Variants in THSD7A observed in about 807,000 individuals in gnomAD.
THSD7A encodes the protein thrombospondin type-1 domain-containing protein 7A.
THSD7A carries 96 observed loss-of-function variants against 231.3 expected under a neutral mutation model. The observed-to-expected ratio is 0.41, with a 90% CI of 0.35 to 0.49. THSD7A has a LOEUF of 0.49. THSD7A is among the 20% of genes least tolerant of loss of function. THSD7A has a pLI of 0.05. For synonymous variants in THSD7A, 940 were observed against 743.3 expected (o/e 1.26, Z -4.30); for missense variants, 2,290 against 2,070.2 (o/e 1.11, Z -2.06).
intron 6 of THSD7A, among the ~76,000 whole-genome samples, chr7:11,523,480 G>A (rs76111884): frequency 0.046 from 6,933 of 152,104 alleles, 191 homozygotes; most frequent in South Asian, 0.074. Context: ...GAGAGATTAT[G>A]TGTGATTAAA....
intron 1 of THSD7A, among the ~76,000 whole-genome samples, chr7:11,813,306 C>T (rs1784584930): frequency 1.3e-5 from 2 of 152,140 alleles, no homozygotes; most frequent in Admixed American, 1.3e-4. Flanking sequence ...TCCCCTAAAA[C>T]ACTTTCCTAT....
intron 13 of THSD7A, among the ~76,000 whole-genome samples, chr7:11,429,855 C>A (rs530400205): frequency 6.6e-6 from 1 of 152,172 alleles, no homozygotes; most frequent in Non-Finnish European, 1.5e-5. Flanking sequence ...GAGGTCTAAT[C>A]CAGTACTCAT....
rs1782241730 is a variant in THSD7A at position 11,375,709 on chromosome 7, CA to C, written c.*84del. 6 of 1,091,698 alleles carry C rather than the reference CA, an allele frequency of 5.5e-6. No homozygotes were observed. Among genetic ancestry groups the C allele is most frequent in the Non-Finnish European group, 8.2e-6 (6 of 730,992 alleles). 67.6% of individuals were successfully genotyped at this position (1,091,698 alleles called of 1,614,324 possible). A position where few individuals can be genotyped will look rare whatever the true frequency, so the allele number is the denominator to read the frequency against. On this transcript the variant is annotated 3_prime_UTR_variant, in exon 28 of 28. Transcript: ENST00000423059. ...AAAAATTAAAATATATTTTAATCCA[CA>C]CAGTTTGGATACATTTGTTGTGGCC... is the stretch of plus-strand genomic sequence containing the variant.
rs551367078 is a variant in THSD7A at position 11,760,832 on chromosome 7, T to C, written c.190+70925A>G. Among the ~76,000 whole-genome samples the C allele has an allele frequency of 1.7e-4, 26 of 151,850 alleles. No individual in the cohort carries two copies. The South Asian group carries it at 5.4e-3, about 31-fold the overall frequency. On this transcript the variant is annotated intron_variant, in intron 1 of 27. Transcript: ENST00000423059. ...TATGATAGAAAATAAAAATAAAATC[T>C]TAAAATTTGCTTTTAAGAACATTTT...
At chr7:11,461,940 A>G in intron 10 of THSD7A, 71 bp downstream of exon 10, 2 of 1,541,544 alleles carry the variant, frequency 1.3e-6, no homozygotes, top group African/African-American at 2.7e-5. Flanking sequence ...TCCTTTCCTT[A>G]TCCTAGGAAA....
chr7:11,518,313 T>C (rs140228488), intron 6 of THSD7A, among the ~76,000 whole-genome samples: 1 of 152,212 alleles, frequency 6.6e-6, no homozygotes, highest in Non-Finnish European at 1.5e-5. Context: ...AAGCTTTTGA[T>C]TGGGACTAGG....
chr7:11,815,553 TA>T (rs1196024915), intron 1 of THSD7A, among the ~76,000 whole-genome samples: 1 of 152,170 alleles, frequency 6.6e-6, no homozygotes, highest in African/African-American at 2.4e-5. Flanking sequence ...TCATTCTTAT[TA>T]ATAAACCTGA....
chr7:11,714,317 T>C (rs904196295), intron 1 of THSD7A, among the ~76,000 whole-genome samples: 4 of 151,274 alleles, frequency 2.6e-5, no homozygotes, highest in African/African-American at 9.7e-5. Flanking sequence ...TGTGTATTTT[T>C]AAATTTTATG....
At chr7:11,803,929 G>GA (rs747428515) in intron 1 of THSD7A, among the ~76,000 whole-genome samples, 8 of 151,992 alleles carry the variant, frequency 5.3e-5, no homozygotes, top group Admixed American at 2.0e-4. Context: ...CAATATATTA[G>GA]ATTAATTAAT....
At chr7:11,556,811 T>G (rs938363306) in intron 4 of THSD7A, among the ~76,000 whole-genome samples, 11 of 152,114 alleles carry the variant, frequency 7.2e-5, no homozygotes, top group Admixed American at 4.6e-4. Context: ...CTGACCTATA[T>G]GGTTTCTGGT....
chr7:11,385,345 A>G (rs565438632), intron 23 of THSD7A: 45 of 152,168 alleles, frequency 3.0e-4, no homozygotes, highest in African/African-American at 9.9e-4. Context: ...CAACAGTGGT[A>G]TCCTTGTTCT....
chr7:11,540,003 G>A (rs17164739), intron 6 of THSD7A, among the ~76,000 whole-genome samples: 11,160 of 152,210 alleles, frequency 0.073, 622 homozygotes, highest in East Asian at 0.17. Flanking sequence ...ACAGTATTGT[G>A]TAATCCAAAC....
At chr7:11,681,816 T>A (rs891561621) in intron 1 of THSD7A, among the ~76,000 whole-genome samples, 3 of 151,358 alleles carry the variant, frequency 2.0e-5, no homozygotes, top group African/African-American at 7.3e-5. Flanking sequence ...GAGCAGAATT[T>A]CCAATTTCAA....
At chr7:11,389,211 T>TAAATTGTGTGG (rs1180719970) in intron 23 of THSD7A, among the ~76,000 whole-genome samples, 1 of 149,936 alleles carries the variant, frequency 6.7e-6, no homozygotes, top group Non-Finnish European at 1.5e-5. Context: ...AGTGGTGTGT[T>TAAATTGTGTGG]AAATTGTGTG....
rs560507326 is a variant in THSD7A at position 11,576,885 on chromosome 7, G to C, written c.1453+13575C>G. On this transcript the variant is annotated intron_variant, in intron 4 of 27. Coordinates refer to ENST00000423059, the MANE Select transcript of THSD7A (RefSeq NM_015204.3). The stretch of plus-strand genomic sequence containing the variant: ...TTATCAGCTAATAGGATGCACTTCT[G>C]ATGATTTTGATAAACTTGTAGACAG... Among the ~76,000 whole-genome samples the C allele has an allele frequency of 4.6e-5, 7 of 152,194 alleles. No homozygotes were observed. In the South Asian group the frequency reaches 1.2e-3, roughly 27 times the overall value.
intron 4 of THSD7A, among the ~76,000 whole-genome samples, chr7:11,567,491 T>C (rs1458742252): frequency 6.6e-6 from 1 of 152,172 alleles, no homozygotes; most frequent in Non-Finnish European, 1.5e-5. Context: ...AACCATATCA[T>C]TCCACTTACT....
chr7:11,550,401 C>T (rs1789577836), intron 4 of THSD7A, among the ~76,000 whole-genome samples: 1 of 152,046 alleles, frequency 6.6e-6, no homozygotes, highest in East Asian at 1.9e-4. Context: ...TTCTGTGTCC[C>T]CACCCAAATC....
chr7:11,480,509 G>A (rs1334790271), intron 7 of THSD7A, among the ~76,000 whole-genome samples: 2 of 152,128 alleles, frequency 1.3e-5, no homozygotes, highest in African/African-American at 2.4e-5. Flanking sequence ...TAGAGTCATT[G>A]TTTGACAACA....
intron 17 of THSD7A, 55 bp from the exon 18 acceptor site, chr7:11,412,855 G>T: frequency 6.4e-7 from 1 of 1,564,724 alleles, no homozygotes; most frequent in Admixed American, 1.9e-5. Flanking sequence ...TACACAACTG[G>T]TATATTAGAG....
Sources: allele counts gnomAD v4.1 joint callset (sites outside exome capture counted in the v4.1 genomes callset), GRCh38; gene constraint gnomAD v4.1.1; transcripts MANE v1.5; gene names NCBI Gene and HGNC (gene_info 2026-07-23, HGNC 2026-07-21).